Variants in TMEM38A observed in about 807,000 individuals in gnomAD.
TMEM38A encodes the protein trimeric intracellular cation channel type A.
Under a neutral mutation model 28.6 loss-of-function variants are expected in TMEM38A, and 17 were observed. That is an observed-to-expected ratio of 0.60 (90% CI 0.41 to 0.89). The LOEUF (loss-of-function observed/expected upper bound fraction) is 0.89. Among genes scored for constraint, TMEM38A ranks in the 40% least tolerant of loss-of-function variants. TMEM38A has a pLI of 0.00. For missense variants in TMEM38A, 328 were observed against 393.1 expected, an observed-to-expected ratio of 0.83 and a Z score of 1.40; for synonymous variants, 169 against 166.1, an observed-to-expected ratio of 1.02 and a Z score of -0.14.
chr19:16,684,672 A>G (rs774686868), intron 4 of TMEM38A, among the ~76,000 whole-genome samples: 1 of 152,190 alleles, frequency 6.6e-6, no homozygotes, highest in African/African-American at 2.4e-5. Flanking sequence ...CTGATGTTCC[A>G]TGATTTGCTA....
At chr19:16,679,166 TAAAAAA>T (rs746884921) in intron 1 of TMEM38A, among the ~76,000 whole-genome samples, 1 of 73,848 alleles carries the variant, frequency 1.4e-5, no homozygotes, top group East Asian at 3.7e-4. Flanking sequence ...CAAAAAAAGT[TAAAAAA>T]AAAAAAAAAA....
chr19:16,680,489 T>A lies in TMEM38A; in HGVS notation c.374T>A (p.Val125Glu). The A allele has an allele frequency of 6.2e-7, 1 of 1,614,192 alleles. No homozygotes were observed. Among genetic ancestry groups the A allele is most frequent in the Non-Finnish European group, 8.5e-7 (1 of 1,180,042 alleles). The change falls in exon 3 of 6, where the codon GTG becomes GAG. Residue 125 changes from valine to glutamate, a missense_variant. Physicochemically the swap from Val to Glu is moderately radical, Grantham distance 121. Transcript: ENST00000187762. Reference protein sequence around the residue: ...KLIFVAMKEVVRVRKIAVGIH... With the variant: ...KLIFVAMKEVERVRKIAVGIH... Reference sequence around the variant, plus strand: ...ATCTTCGTGGCCATGAAGGAGGTGGTGCGAGTCCGCAAGATCGCGGTGGGC... The same window carrying A: ...ATCTTCGTGGCCATGAAGGAGGTGGAGCGAGTCCGCAAGATCGCGGTGGGC...
At chr19:16,662,347 A>T (rs2086685544) in intron 1 of TMEM38A, among the ~76,000 whole-genome samples, 1 of 151,664 alleles carries the variant, frequency 6.6e-6, no homozygotes, top group South Asian at 2.1e-4. Context: ...AAAAAAAGAG[A>T]ATTACTGTCA....
chr19:16,682,643 C>A, intron 4 of TMEM38A, 135 bp downstream of exon 4: 1 of 751,192 alleles, frequency 1.3e-6, no homozygotes, highest in South Asian at 1.6e-5. Flanking sequence ...GAGGCTATGA[C>A]TGGGGAAGCT....
At chr19:16,686,661 CTTGGGTACA>C (rs1384463094) in intron 5 of TMEM38A, among the ~76,000 whole-genome samples, 1 of 152,116 alleles carries the variant, frequency 6.6e-6, no homozygotes, top group Non-Finnish European at 1.5e-5. Context: ...GGCCCACTCT[CTTGGGTACA>C]GAGACCAGAG....
rs780383794 is a variant in TMEM38A at position 16,661,184 on chromosome 19, C to T, written c.-34C>T. On this transcript the variant is annotated 5_prime_UTR_variant, in exon 1 of 6. Coordinates refer to ENST00000187762, the MANE Select transcript of TMEM38A (RefSeq NM_024074.4). The surrounding 1 kb of genome is among the most constrained non-coding windows in gnomAD (Gnocchi z 6.5). ...GGCGGGACGGACGAGGCCGGGGCCC[C>T]GGGTGGCACCCGGCAGGCGGGCAGG... 3.8e-6 allele frequency: 5 copies of T among 1,314,584 alleles called. No homozygotes were observed. In the African/African-American group the frequency reaches 4.8e-5, roughly 12 times the overall value. 81.4% of individuals were successfully genotyped at this position (1,314,584 alleles called of 1,614,324 possible). A position where few individuals can be genotyped will look rare whatever the true frequency, so the allele number is the denominator to read the frequency against.
At chr19:16,686,145 A>C (rs1046964006) in intron 4 of TMEM38A, 143 bp from the exon 5 acceptor site, 5 of 597,888 alleles carry the variant, frequency 8.4e-6, no homozygotes, top group Non-Finnish European at 1.5e-5. Context: ...CCTGGGCAAC[A>C]GAGTGAGATT....
chr19:16,680,406 T>C lies in TMEM38A; in HGVS notation c.291T>C (p.Ile97=), dbSNP rs957059804. The part of the protein sequence containing the change: ...ILLASAVWYL[I]FFCPLDLFYK... ...GTTCTCTCCCCAAAAGGTACTTGAT[T>C]TTCTTCTGCCCCCTGGACCTCTTCT... Residue 97 remains isoleucine, a synonymous_variant, in exon 3 of 6, where the codon ATT becomes ATC. Transcript: ENST00000187762. 2.5e-6 allele frequency: 4 copies of C among 1,614,124 alleles called. No individual in the cohort carries two copies. The highest frequency in any genetic ancestry group is 3.4e-6 in the Non-Finnish European group (4 of 1,180,002).
At chr19:16,671,673 G>T (rs2086728129) in intron 1 of TMEM38A, among the ~76,000 whole-genome samples, 1 of 151,918 alleles carries the variant, frequency 6.6e-6, no homozygotes, top group Admixed American at 6.6e-5. Flanking sequence ...CAAGTGATCT[G>T]CCTGCCTTGG....
intron 4 of TMEM38A, among the ~76,000 whole-genome samples, chr19:16,683,638 C>T (rs1031925381): frequency 2.7e-5 from 4 of 150,678 alleles, no homozygotes; most frequent in Non-Finnish European, 5.9e-5. Flanking sequence ...ATCACCTGGC[C>T]CTGGAACCTG....
intron 1 of TMEM38A, among the ~76,000 whole-genome samples, chr19:16,664,821 C>T (rs985960154): frequency 6.6e-6 from 1 of 151,850 alleles, no homozygotes; most frequent in Non-Finnish European, 1.5e-5. Context: ...CCCCACCGCC[C>T]TCCAGCCTGG....
chr19:16,663,488 G>A (rs528941154), intron 1 of TMEM38A, among the ~76,000 whole-genome samples: 1 of 151,828 alleles, frequency 6.6e-6, no homozygotes, highest in Non-Finnish European at 1.5e-5. Flanking sequence ...CCAAACCCTG[G>A]CTATTCATGA....
chr19:16,670,534 G>A (rs1482049336), intron 1 of TMEM38A, among the ~76,000 whole-genome samples: 1 of 152,122 alleles, frequency 6.6e-6, no homozygotes, highest in Non-Finnish European at 1.5e-5. Flanking sequence ...CTCTTGCGTC[G>A]TTGCTAGGCG....
At position 16,681,093 on chromosome 19, in the gene TMEM38A, G is replaced by A. The variant is rs118085303; in HGVS notation, c.466+512G>A. ...GAGTTCTTAACTTTTGTGGACCATG[G>A]CCCTTTTGCCAGTGAAGCCTACAGA... On this transcript the variant is annotated intron_variant, in intron 3 of 5. Transcript: ENST00000187762. Among the ~76,000 whole-genome samples the A allele has an allele frequency of 1.4e-3, 214 of 152,254 alleles. 3 individuals are homozygous for A. In the East Asian group the frequency reaches 0.034, roughly 24 times the overall value.
chr19:16,679,635 G>A (rs1283279289), intron 1 of TMEM38A, among the ~76,000 whole-genome samples: 3 of 151,912 alleles, frequency 2.0e-5, no homozygotes, highest in Non-Finnish European at 4.4e-5. Context: ...AAGCTGGCCC[G>A]TCTCACCAAG....
intron 1 of TMEM38A, among the ~76,000 whole-genome samples, chr19:16,679,252 CGTGTGTGT>C (rs35543309): frequency 0.051 from 6,582 of 128,326 alleles, 231 homozygotes; most frequent in East Asian, 0.16. Flanking sequence ...TCTTTTGTTT[CGTGTGTGT>C]GTGTGTGTGT....
intron 1 of TMEM38A, among the ~76,000 whole-genome samples, chr19:16,664,285 C>T (rs1477447886): frequency 1.1e-4 from 16 of 151,950 alleles, no homozygotes; most frequent in African/African-American, 2.7e-4. Flanking sequence ...GGTGTGGTGG[C>T]GCACGCCTGT....
At position 16,677,441 on chromosome 19, in the gene TMEM38A, C is replaced by G. The variant is rs147905067; in HGVS notation, c.125-2543C>G. ...CCTCAAACTCTTGGGTTCAAGTGAT[C>G]CTCCCAACTCAACCTCTTGAGTAGC... On this transcript the variant is annotated intron_variant, in intron 1 of 5. Transcript: ENST00000187762. Among the ~76,000 whole-genome samples, 176 of 152,112 alleles carry G rather than the reference C, an allele frequency of 1.2e-3. 2 individuals are homozygous for G. The highest frequency in any genetic ancestry group is 4.2e-3 in the African/African-American group (173 of 41,428).
Position 16,661,405 on chromosome 19 carries a change from G to A in TMEM38A, c.124+64G>A. The A allele has an allele frequency of 7.1e-7, 1 of 1,409,070 alleles. No homozygotes were observed. Among genetic ancestry groups the A allele is most frequent in the Non-Finnish European group, 9.5e-7 (1 of 1,053,410 alleles). 87.3% of individuals were successfully genotyped at this position (1,409,070 alleles called of 1,614,324 possible). On this transcript the variant is annotated intron_variant, in intron 1 of 5. Coordinates refer to ENST00000187762, the MANE Select transcript of TMEM38A (RefSeq NM_024074.4). This position sits in a 1 kb window ranked among gnomAD's most constrained non-coding sequence, Gnocchi z 6.5. ...GTGGCGCGGGCCGGGGCAGCTCGGG[G>A]GTCGCAGAGAGGGGAAGCCCGTGCG...
Sources: gnomAD v4.1 joint callset for allele counts (sites outside exome capture counted in the v4.1 genomes callset) on GRCh38, gnomAD v4.1.1 for gene constraint, Gnocchi (gnomAD v3.1) non-coding constraint, MANE v1.5 for transcripts, NCBI Gene and HGNC (gene_info 2026-07-23, HGNC 2026-07-21) for gene names.